Variants in GRM1 observed in about 807,000 individuals in gnomAD.
The protein encoded by GRM1 is glutamate metabotropic receptor 1.
GRM1 carries 33 observed loss-of-function variants against 90.9 expected under a neutral mutation model. That is an observed-to-expected ratio of 0.36 (90% CI 0.28 to 0.49). The LOEUF (loss-of-function observed/expected upper bound fraction) is 0.49, where lower values mean the gene tolerates loss of function less well. Ranked by LOEUF, GRM1 falls within the 20% of genes least tolerant of loss-of-function variation. The probability of loss-of-function intolerance (pLI) is 0.99; values close to 1 mark genes in which losing one functional copy is unlikely to be tolerated. For synonymous variants in GRM1, 700 were observed against 613.2 expected (o/e 1.14, Z -2.09); for missense variants, 1,190 against 1,534.3 (o/e 0.78, Z 3.75).
chr6:146,334,857 T>C (rs1003332012), intron 3 of GRM1, among the ~76,000 whole-genome samples: 6 of 152,144 alleles, frequency 3.9e-5, no homozygotes, highest in African/African-American at 1.2e-4. Context: ...GCCTTTGTCT[T>C]GACAACATCA....
Position 146,398,793 on chromosome 6 carries a change from A to G in GRM1, c.1754A>G (p.Tyr585Cys), listed in dbSNP as rs754787480. ...LTGCEPIPVR[Y>C]LEWSNIESII... ...GGCTGTGAGCCCATTCCTGTGCGCT[A>G]TCTTGAGTGGAGCAACATCGAATCC... The change falls in exon 7 of 8, where the codon TAT (tyrosine) becomes TGT (cysteine). Residue 585 changes from tyrosine (Y) to cysteine (C), a missense_variant. Tyr to Cys is a radical substitution (Grantham distance 194). Coordinates refer to ENST00000282753, the MANE Select transcript of GRM1 (RefSeq NM_001278064.2). 3.7e-6 allele frequency: 6 copies of G among 1,613,052 alleles called. No individual in the cohort carries two copies. In the African/African-American group the frequency reaches 5.3e-5, roughly 14 times the overall value.
chr6:146,378,093 G>A (rs369598843), intron 5 of GRM1, among the ~76,000 whole-genome samples: 15 of 152,300 alleles, frequency 9.8e-5, no homozygotes, highest in South Asian at 2.1e-4. Flanking sequence ...GGGAACCTCC[G>A]CCTAGATTTC....
intron 1 of GRM1, among the ~76,000 whole-genome samples, chr6:146,035,380 T>C (rs1562418573): frequency 6.6e-6 from 1 of 151,974 alleles, no homozygotes; most frequent in Non-Finnish European, 1.5e-5. Context: ...CAAAAGTTGG[T>C]GAGTGGACGA....
At chr6:146,313,374 TC>T (rs989677950) in intron 3 of GRM1, among the ~76,000 whole-genome samples, 1 of 152,196 alleles carries the variant, frequency 6.6e-6, no homozygotes. Context: ...CAGCTTGCCT[TC>T]CAAACAAGTT....
rs369258868 is a variant in GRM1, at chr6:146,434,034, C to G, written c.2823C>G (p.Gly941=). 3.1e-6 allele frequency: 5 copies of G among 1,614,042 alleles called. No individual in the cohort carries two copies. The highest frequency in any genetic ancestry group is 1.3e-5 in the African/African-American group (1 of 74,930). ...TCACTAAAAGTTACCAAGGCTCTGGCAAGAGCCTGACCTTTTCAGATACCA... is the reference window on the plus strand; with the variant it reads ...TCACTAAAAGTTACCAAGGCTCTGGGAAGAGCCTGACCTTTTCAGATACCA... The part of the protein sequence containing the change: ...KPLTKSYQGS[G]KSLTFSDTST... Residue 941 remains glycine, a synonymous_variant, in exon 8 of 8, where the codon GGC becomes GGG. Coordinates refer to ENST00000282753, the MANE Select transcript of GRM1 (RefSeq NM_001278064.2).
chr6:146,152,376 C>T (rs1777371591), intron 1 of GRM1, among the ~76,000 whole-genome samples: 1 of 151,678 alleles, frequency 6.6e-6, no homozygotes, highest in African/African-American at 2.4e-5. Context: ...CTCTCCCATC[C>T]TTAAATCTAG....
chr6:146,277,771 A>G (rs922653387), intron 2 of GRM1, among the ~76,000 whole-genome samples: 2 of 152,256 alleles, frequency 1.3e-5, no homozygotes, highest in African/African-American at 4.8e-5. Context: ...AATAGTTGAG[A>G]CTGAGGGTGA....
chr6:146,050,091 GA>G, intron 1 of GRM1, among the ~76,000 whole-genome samples: 2 of 152,034 alleles, frequency 1.3e-5, no homozygotes, highest in African/African-American at 4.8e-5. Context: ...AGTGAGTAAG[GA>G]AAATGTAAAT....
chr6:146,354,403 T>C (rs1262410054), intron 4 of GRM1, among the ~76,000 whole-genome samples: 1 of 152,240 alleles, frequency 6.6e-6, no homozygotes, highest in Non-Finnish European at 1.5e-5. Context: ...TAACATACAA[T>C]GTGCCTAGCA....
intron 2 of GRM1, among the ~76,000 whole-genome samples, chr6:146,215,524 G>T (rs1468730956): frequency 1.3e-5 from 2 of 152,044 alleles, no homozygotes; most frequent in African/African-American, 4.8e-5. Flanking sequence ...GAGACATCCT[G>T]ATTTTTGTGC....
chr6:146,120,003 T>C (rs1229493133), intron 1 of GRM1, among the ~76,000 whole-genome samples: 1 of 152,212 alleles, frequency 6.6e-6, no homozygotes, highest in Non-Finnish European at 1.5e-5. Context: ...ATCATGGGGA[T>C]AGCATTGAAT....
At chr6:146,135,092 A>G (rs73571252) in intron 1 of GRM1, among the ~76,000 whole-genome samples, 8,130 of 152,228 alleles carry the variant, frequency 0.053, 718 homozygotes, top group African/African-American at 0.18. Flanking sequence ...CATATCAGAT[A>G]CTTACTATAT....
chr6:146,405,200 A>G (rs2114605767), intron 7 of GRM1, among the ~76,000 whole-genome samples: 1 of 152,298 alleles, frequency 6.6e-6, no homozygotes, highest in Admixed American at 6.5e-5. Context: ...TAGAAATTTA[A>G]GTCTGGAGCT....
intron 2 of GRM1, among the ~76,000 whole-genome samples, chr6:146,162,402 G>T (rs1202422562): frequency 1.3e-5 from 2 of 152,134 alleles, no homozygotes; most frequent in African/African-American, 2.4e-5. Context: ...CAATGTGTCT[G>T]GAACTCGTCT....
intron 1 of GRM1, among the ~76,000 whole-genome samples, chr6:146,090,772 C>T (rs1776690291): frequency 2.6e-5 from 4 of 152,012 alleles, no homozygotes; most frequent in South Asian, 2.1e-4. Context: ...TTAAGGTTAC[C>T]GAGGCATTGA....
At chr6:146,128,544 T>C (rs1169738997) in intron 1 of GRM1, among the ~76,000 whole-genome samples, 1 of 152,196 alleles carries the variant, frequency 6.6e-6, no homozygotes, top group East Asian at 1.9e-4. Flanking sequence ...GTTTGTACTT[T>C]TAATCCTTCG....
intron 2 of GRM1, among the ~76,000 whole-genome samples, chr6:146,213,915 C>G (rs560408030): frequency 1.3e-5 from 2 of 152,124 alleles, no homozygotes; most frequent in South Asian, 4.2e-4. Flanking sequence ...AGGCAGAAAG[C>G]CTAAGAACCT....
intron 3 of GRM1, chr6:146,340,371 T>A (rs1008241151): frequency 1.2e-4 from 19 of 152,248 alleles, no homozygotes; most frequent in Admixed American, 1.2e-3. Context: ...TGAAGGGTAA[T>A]CTCTGCTGCT....
At chr6:146,215,510 T>G (rs1469708885) in intron 2 of GRM1, among the ~76,000 whole-genome samples, 1 of 152,174 alleles carries the variant, frequency 6.6e-6, no homozygotes, top group Admixed American at 6.5e-5. Flanking sequence ...TGAATAACGT[T>G]CTAGAGACAT....
Sources: gnomAD v4.1 joint callset for allele counts (sites outside exome capture counted in the v4.1 genomes callset) on GRCh38, gnomAD v4.1.1 for gene constraint, MANE v1.5 for transcripts, NCBI Gene and HGNC (gene_info 2026-07-23, HGNC 2026-07-21) for gene names.